Variants in ANKRD39 observed in about 807,000 individuals in gnomAD.
ANKRD39 encodes the protein ankyrin repeat domain-containing protein 39.
Under a neutral mutation model 20.3 loss-of-function variants are expected in ANKRD39, and 18 were observed. The observed-to-expected ratio is 0.89, with a 90% CI of 0.61 to 1.32. ANKRD39 has a LOEUF of 1.32. Ranked by LOEUF, ANKRD39 falls within the 40% of genes most tolerant of loss-of-function variation. The probability of loss-of-function intolerance (pLI) is 0.00; values close to 1 mark genes in which losing one functional copy is unlikely to be tolerated. For synonymous variants in ANKRD39, 106 were observed against 111.9 expected (o/e 0.95, Z 0.33); for missense variants, 243 against 250.7 (o/e 0.97, Z 0.21).
chr2:96,857,709 G>A (rs2079872214), intron 1 of ANKRD39, among the ~76,000 whole-genome samples, 179 bp downstream of exon 1: 1 of 152,232 alleles, frequency 6.6e-6, no homozygotes, highest in African/African-American at 2.4e-5. Context: ...GAGCTCGTGC[G>A]GGGCCCTGGG....
At chr2:96,857,328 T>TA (rs2079870287) in intron 1 of ANKRD39, among the ~76,000 whole-genome samples, 1 of 152,210 alleles carries the variant, frequency 6.6e-6, no homozygotes, top group Non-Finnish European at 1.5e-5. Flanking sequence ...CTGTTCCTAT[T>TA]GGCACCATAA....
chr2:96,857,737 G>A, intron 1 of ANKRD39, 151 bp downstream of exon 1: 1 of 815,024 alleles, frequency 1.2e-6, no homozygotes, highest in South Asian at 1.7e-5. Context: ...CAGTACACGG[G>A]AACCGTGGGT....
intron 3 of ANKRD39, among the ~76,000 whole-genome samples, chr2:96,850,778 C>T (rs1455956899): frequency 6.6e-6 from 1 of 152,186 alleles, no homozygotes; most frequent in Non-Finnish European, 1.5e-5. Context: ...ATGCACCTAA[C>T]TATGGGTAAC....
At position 96,858,010 on chromosome 2, in the gene ANKRD39, C is replaced by T; in HGVS notation, c.-23G>A. The T allele has an allele frequency of 6.6e-7, 1 of 1,514,416 alleles. No individual in the cohort carries two copies. Among genetic ancestry groups the T allele is most frequent in the South Asian group, 1.2e-5 (1 of 81,786 alleles). 93.8% of individuals were successfully genotyped at this position (1,514,416 alleles called of 1,614,324 possible). On this transcript the variant is annotated 5_prime_UTR_variant, in exon 1 of 4. Transcript: ENST00000393537. ...CATCCCGGCCCCGGCGTCAGTCGATCCGCCCCGGGTCTCAGGCTCAGCCTC... is the reference window on the plus strand; with the variant it reads ...CATCCCGGCCCCGGCGTCAGTCGATTCGCCCCGGGTCTCAGGCTCAGCCTC...
chr2:96,848,164 C>CAGA lies in ANKRD39; in HGVS notation c.*136_*137insTCT. 8.1e-7 allele frequency: 1 copy of CAGA among 1,229,122 alleles called. No homozygotes were observed. The highest frequency in any genetic ancestry group is 1.1e-6 in the Non-Finnish European group (1 of 889,710). 76.1% of individuals were successfully genotyped at this position (1,229,122 alleles called of 1,614,324 possible). A position where few individuals can be genotyped will look rare whatever the true frequency, so the allele number is the denominator to read the frequency against. On this transcript the variant is annotated 3_prime_UTR_variant, in exon 4 of 4. Coordinates refer to ENST00000393537, the MANE Select transcript of ANKRD39 (RefSeq NM_016466.6). ...CACACCAAATCTACTCCCTCGCTTC[C>CAGA]ACAGTGACCAGACTGGGGCTCTTCC...
intron 3 of ANKRD39, 72 bp downstream of exon 3, chr2:96,853,329 T>C (rs2079846802): frequency 6.7e-7 from 1 of 1,487,902 alleles, no homozygotes; most frequent in South Asian, 1.2e-5. Context: ...GTTTTCCCCA[T>C]GTTTTCTACA....
rs766193221 is a variant in ANKRD39, at chr2:96,853,461, C to T, written c.348G>A (p.Leu116=). The part of the protein sequence containing the change: ...YCGHTEIARL[L]LSHGSNPRVV... ...CCCTGGGGTTGGACCCATGTGATAG[C>T]AGGAGCCGCGCGATTTCAGTGTGCC... Residue 116 remains leucine (L), a synonymous_variant, in exon 3 of 4, where the codon CTG becomes CTA. Transcript: ENST00000393537. 2.5e-6 allele frequency: 4 copies of T among 1,599,648 alleles called. No homozygotes were observed. The highest frequency in any genetic ancestry group is 3.4e-6 in the Non-Finnish European group (4 of 1,173,350).
rs772419724 is a variant in ANKRD39, at chr2:96,857,980, G to T, written c.8C>A (p.Thr3Lys). The T allele has an allele frequency of 2.0e-6, 3 of 1,536,266 alleles. No homozygotes were observed. The highest frequency in any genetic ancestry group is 2.5e-5 in the East Asian group (1 of 40,148). MA[T>K]PRPCADGPCC... The stretch of plus-strand genomic sequence containing the variant: ...GGGCCCGTCCGCGCAGGGCCGAGGC[G>T]TCGCCATCCCGGCCCCGGCGTCAGT... The change falls in exon 1 of 4, where the codon ACG becomes AAG. Residue 3 changes from threonine (T) to lysine (K), a missense_variant. By Grantham distance (78) the Thr-to-Lys change is moderately conservative. Transcript: ENST00000393537.
intron 2 of ANKRD39, 124 bp downstream of exon 2, chr2:96,854,214 T>G: frequency 3.0e-6 from 3 of 987,804 alleles, no homozygotes; most frequent in Non-Finnish European, 4.5e-6. Flanking sequence ...AAAGAGAAAT[T>G]TTGCTGGAAG....
intron 1 of ANKRD39, among the ~76,000 whole-genome samples, chr2:96,856,019 T>C (rs1559026056): frequency 6.6e-6 from 1 of 151,532 alleles, no homozygotes; most frequent in African/African-American, 2.4e-5. Flanking sequence ...AACAAAGAGT[T>C]ACTGTAGTGA....
At chr2:96,857,799 G>T in intron 1 of ANKRD39, 89 bp downstream of exon 1, 1 of 1,374,644 alleles carries the variant, frequency 7.3e-7, no homozygotes, top group Non-Finnish European at 9.8e-7. Context: ...AAGCTCTCGG[G>T]GCCCCGTTCA....
At chr2:96,856,777 A>G (rs1028718349) in intron 1 of ANKRD39, among the ~76,000 whole-genome samples, 2 of 152,140 alleles carry the variant, frequency 1.3e-5, no homozygotes, top group African/African-American at 4.8e-5. Context: ...ATGACATTGG[A>G]GCTGGGATCT....
chr2:96,852,386 CAAAAAAA>C (rs1232527949), intron 3 of ANKRD39, among the ~76,000 whole-genome samples: 2 of 45,658 alleles, frequency 4.4e-5, no homozygotes, highest in Admixed American at 2.6e-4. Context: ...GACCCTGTCT[CAAAAAAA>C]AAAAAAAAAA....
In ANKRD39 at chr2:96,848,250, G is replaced by T; in HGVS notation, c.*51C>A. On this transcript the variant is annotated 3_prime_UTR_variant, in exon 4 of 4. Transcript: ENST00000393537. ...TGGATGCTGACCAAGGCAGGGGCTTGGAGAACTGGTCTGTGTACCCTTTAA... is the reference window on the plus strand; with the variant it reads ...TGGATGCTGACCAAGGCAGGGGCTTTGAGAACTGGTCTGTGTACCCTTTAA... The T allele has an allele frequency of 6.3e-7, 1 of 1,599,926 alleles. No individual in the cohort carries two copies.
intron 1 of ANKRD39, among the ~76,000 whole-genome samples, chr2:96,856,588 T>C (rs1337268361): frequency 3.3e-5 from 5 of 152,230 alleles, no homozygotes; most frequent in Admixed American, 6.5e-5. Context: ...ATGATTATTG[T>C]AGCGAGCTGT....
At chr2:96,856,920 G>A (rs937740780) in intron 1 of ANKRD39, among the ~76,000 whole-genome samples, 18 of 152,152 alleles carry the variant, frequency 1.2e-4, no homozygotes, top group African/African-American at 4.1e-4. Context: ...GTGTGGCTGC[G>A]GCGTAGTGAT....
chr2:96,853,925 G>A (rs746707288), intron 2 of ANKRD39, among the ~76,000 whole-genome samples: 2 of 152,186 alleles, frequency 1.3e-5, no homozygotes, highest in African/African-American at 4.8e-5. Context: ...TCAGGAGTTC[G>A]AGACCAGCCT....
Position 96,848,177 on chromosome 2 carries a change from C to T in ANKRD39, c.*124G>A. On this transcript the variant is annotated 3_prime_UTR_variant, in exon 4 of 4. Coordinates refer to ENST00000393537, the MANE Select transcript of ANKRD39 (RefSeq NM_016466.6). ...CTCCCTCGCTTCCACAGTGACCAGA[C>T]TGGGGCTCTTCCTGGGTGGTCTGGC... The T allele has an allele frequency of 1.5e-6, 2 of 1,377,840 alleles. No individual in the cohort carries two copies. The highest frequency in any genetic ancestry group is 2.0e-6 in the Non-Finnish European group (2 of 1,006,622). The allele number at this position is 1,377,840 out of a possible 1,614,324, so 85.4% of individuals were successfully genotyped here.
Position 96,848,138 on chromosome 2 carries a change from C to T in ANKRD39, c.*163G>A, listed in dbSNP as rs900098975. On this transcript the variant is annotated 3_prime_UTR_variant, in exon 4 of 4. Coordinates refer to ENST00000393537, the MANE Select transcript of ANKRD39 (RefSeq NM_016466.6). ...TCTGTCCAGTCTTAAACACTTTTAG[C>T]CACACCAAATCTACTCCCTCGCTTC... 3.1e-5 allele frequency: 27 copies of T among 863,570 alleles called. No homozygotes were observed. The highest frequency in any genetic ancestry group is 3.6e-5 in the Non-Finnish European group (21 of 580,964). 53.5% of individuals were successfully genotyped at this position (863,570 alleles called of 1,614,324 possible). A position where few individuals can be genotyped will look rare whatever the true frequency, so the allele number is the denominator to read the frequency against.
Sources: allele counts gnomAD v4.1 joint callset (sites outside exome capture counted in the v4.1 genomes callset), GRCh38; gene constraint gnomAD v4.1.1; transcripts MANE v1.5; gene names NCBI Gene and HGNC (gene_info 2026-07-23, HGNC 2026-07-21).